ATP10B: variants seen among roughly 807,000 people sequenced by gnomAD.
ATP10B encodes the protein phospholipid-transporting ATPase VB.
In ATP10B, 122 loss-of-function variants were observed where a neutral mutation model predicts 141.2. That is an observed-to-expected ratio of 0.86 (90% CI 0.75 to 1.00). The LOEUF (loss-of-function observed/expected upper bound fraction) is 1.00. ATP10B is among the 50% of genes least tolerant of loss of function. ATP10B has a pLI of 0.00. For missense variants in ATP10B, 1,876 were observed against 1,825.3 expected (o/e 1.03, Z -0.51); for synonymous variants, 685 against 692.0 (o/e 0.99, Z 0.16).
Position 160,817,290 on chromosome 5 carries a change from G to A in ATP10B, c.-575-31487C>T, listed in dbSNP as rs150491375. On this transcript the variant is annotated intron_variant, in intron 1 of 25. Coordinates refer to ENST00000327245, the MANE Select transcript of ATP10B (RefSeq NM_025153.3). ...GCCCAAAATCTCCTTAAGCTGATAGGCAACTTCAACAGTCTCAGGATACAA... is the reference window on the plus strand; with the variant it reads ...GCCCAAAATCTCCTTAAGCTGATAGACAACTTCAACAGTCTCAGGATACAA... Among the ~76,000 whole-genome samples, 1,061 of 152,264 alleles carry A rather than the reference G, an allele frequency of 7.0e-3. 17 individuals carry two copies. Among genetic ancestry groups the A allele is most frequent in the African/African-American group, 0.024 (1,000 of 41,520 alleles).
At chr5:160,828,537 C>A (rs944095002) in intron 1 of ATP10B, among the ~76,000 whole-genome samples, 1 of 151,732 alleles carries the variant, frequency 6.6e-6, no homozygotes, top group Non-Finnish European at 1.5e-5. Context: ...GAATGGCAAT[C>A]ATTAAAAAGT....
At chr5:160,747,204 C>T (rs1469485636) in intron 2 of ATP10B, among the ~76,000 whole-genome samples, 2 of 152,100 alleles carry the variant, frequency 1.3e-5, no homozygotes, top group Admixed American at 6.5e-5. Flanking sequence ...GGACAGTCAC[C>T]ATTTTCTTAT....
In ATP10B at chr5:160,674,878, T is replaced by C. The variant is rs144965950; in HGVS notation, c.471-4211A>G. ...GTTATGTTATGGAATCAGAGACACA[T>C]TTTGTAGGAATTTTGGGGATTAAAA... On this transcript the variant is annotated intron_variant, in intron 6 of 25. Transcript: ENST00000327245. 4.1e-3 allele frequency among the ~76,000 whole-genome samples: 617 copies of C among 152,218 alleles called. 6 individuals carry two copies. The highest frequency in any genetic ancestry group is 0.014 in the African/African-American group (589 of 41,524).
intron 3 of ATP10B, chr5:160,692,950 T>C (rs1355228206): frequency 6.6e-6 from 1 of 152,198 alleles, no homozygotes; most frequent in African/African-American, 2.4e-5. Flanking sequence ...ATTATGGCTA[T>C]AGTATCACAA....
the ATP10B span, among the ~76,000 whole-genome samples, chr5:160,921,374 T>C: frequency 6.6e-6 from 1 of 152,152 alleles, no homozygotes; most frequent in Non-Finnish European, 1.5e-5. Flanking sequence ...TATATAACTT[T>C]TACCAGTTTA....
chr5:160,828,473 CCAT>C (rs554205279), intron 1 of ATP10B, among the ~76,000 whole-genome samples: 1,705 of 152,180 alleles, frequency 0.011, 29 homozygotes, highest in African/African-American at 0.038. Flanking sequence ...TCATCACTAG[CCAT>C]CAGAGAAATG....
At chr5:160,786,485 T>A (rs1261580578) in intron 1 of ATP10B, among the ~76,000 whole-genome samples, 1 of 152,156 alleles carries the variant, frequency 6.6e-6, no homozygotes, top group Non-Finnish European at 1.5e-5. Context: ...TAATTTTCAC[T>A]TCATAGAGTA....
chr5:160,648,139 A>C (rs1212049475), intron 8 of ATP10B, among the ~76,000 whole-genome samples: 3 of 152,152 alleles, frequency 2.0e-5, no homozygotes, highest in African/African-American at 7.2e-5. Flanking sequence ...AGATCATCAT[A>C]ATCCACATCA....
intron 6 of ATP10B, among the ~76,000 whole-genome samples, chr5:160,674,738 G>C (rs1005115475): frequency 2.0e-5 from 3 of 151,712 alleles, no homozygotes; most frequent in African/African-American, 7.3e-5. Flanking sequence ...ATAAAGCTAT[G>C]AGATCCATAT....
At chr5:160,902,204 C>T in the ATP10B span, among the ~76,000 whole-genome samples, 196 of 152,168 alleles carry the variant, frequency 1.3e-3, 6 homozygotes, top group East Asian at 0.023. Context: ...TTAAGTGTGA[C>T]GTAAAATTCT....
intron 6 of ATP10B, among the ~76,000 whole-genome samples, chr5:160,671,307 G>A (rs1356161400): frequency 6.6e-6 from 1 of 151,946 alleles, no homozygotes; most frequent in African/African-American, 2.4e-5. Flanking sequence ...AATTTTAAAG[G>A]AGAAGGTAAC....
intron 1 of ATP10B, among the ~76,000 whole-genome samples, chr5:160,811,166 C>A (rs1464458481): frequency 6.6e-6 from 1 of 152,058 alleles, no homozygotes; most frequent in Non-Finnish European, 1.5e-5. Flanking sequence ...CATGAATAAC[C>A]AGTAGCAATA....
chr5:160,792,288 A>T (rs1561858428), intron 1 of ATP10B, among the ~76,000 whole-genome samples: 1 of 152,132 alleles, frequency 6.6e-6, no homozygotes, highest in Non-Finnish European at 1.5e-5. Flanking sequence ...AACTCAATAT[A>T]TGCGTGACAT....
intron 13 of ATP10B, among the ~76,000 whole-genome samples, chr5:160,628,519 C>G (rs937787672): frequency 6.6e-6 from 1 of 151,486 alleles, no homozygotes; most frequent in Non-Finnish European, 1.5e-5. Flanking sequence ...AAAGGCAGAC[C>G]AAGATTAGTG....
chr5:160,650,017 G>A (rs1167026206), intron 7 of ATP10B, among the ~76,000 whole-genome samples: 4 of 151,620 alleles, frequency 2.6e-5, no homozygotes, highest in African/African-American at 4.9e-5. Flanking sequence ...GCTGAGGCAC[G>A]AAAATCACTT....
Position 160,644,118 on chromosome 5 carries a change from GA to G in ATP10B, c.868+19del, listed in dbSNP as rs776686865. On this transcript the variant is annotated intron_variant, in intron 9 of 25. Transcript: ENST00000327245. ...AGGATAAAGGAAAATTCAGACAAAA[GA>G]AACTACCCAGACAATGACCTGCATA... 5 of 1,604,562 alleles carry G rather than the reference GA, an allele frequency of 3.1e-6. No homozygotes were observed. The Admixed American group carries it at 8.3e-5, about 27-fold the overall frequency.
rs565696710 is a variant in ATP10B at position 160,740,821 on chromosome 5, G to A, written c.-330-23787C>T. On this transcript the variant is annotated intron_variant, in intron 2 of 25. Coordinates refer to ENST00000327245, the MANE Select transcript of ATP10B (RefSeq NM_025153.3). ...CTTCACTTGGGCATTGCAAACAGTA[G>A]CAGTGGCGGAATTCTTTGGATCTTT... 1.1e-4 allele frequency among the ~76,000 whole-genome samples: 16 copies of A among 152,288 alleles called. No individual in the cohort carries two copies. The South Asian group carries it at 3.1e-3, about 30-fold the overall frequency.
intron 10 of ATP10B, among the ~76,000 whole-genome samples, chr5:160,638,883 G>A (rs1759620770): frequency 6.6e-6 from 1 of 152,148 alleles, no homozygotes; most frequent in Admixed American, 6.5e-5. Context: ...AGACAGTGGG[G>A]AGTCTTGGCC....
chr5:160,830,886 T>C (rs765438779), intron 1 of ATP10B, among the ~76,000 whole-genome samples: 6 of 151,878 alleles, frequency 4.0e-5, no homozygotes, highest in Non-Finnish European at 8.8e-5. Flanking sequence ...AACAATACCT[T>C]TGGTTAATTT....
Sources: allele counts gnomAD v4.1 joint callset (sites outside exome capture counted in the v4.1 genomes callset), GRCh38; gene constraint gnomAD v4.1.1; transcripts MANE v1.5; gene names NCBI Gene and HGNC (gene_info 2026-07-23, HGNC 2026-07-21).